The following TAFA1 variants were observed in gnomAD, a reference collection of about 807,000 sequenced individuals.
The protein encoded by TAFA1 is chemokine-like protein TAFA-1.
A neutral mutation model predicts 18.5 loss-of-function variants in TAFA1; 4 were observed. The ratio of observed to expected loss-of-function variants is 0.22; its 90% CI spans 0.11 to 0.49. The LOEUF is 0.49. Ranked by LOEUF, TAFA1 falls within the 20% of genes least tolerant of loss-of-function variation. The pLI is 0.98. For missense variants in TAFA1, 147 were observed against 169.0 expected (o/e 0.87, Z 0.72); for synonymous variants, 56 against 55.2 (o/e 1.01, Z -0.06).
At chr3:68,502,034 C>T (rs1030095388) in intron 3 of TAFA1, among the ~76,000 whole-genome samples, 5 of 152,190 alleles carry the variant, frequency 3.3e-5, no homozygotes, top group Admixed American at 3.3e-4. Flanking sequence ...TCAAGCTGGG[C>T]CTTAGTACAT....
the TAFA1 span, among the ~76,000 whole-genome samples, chr3:67,995,383 G>A: frequency 1.6e-3 from 248 of 152,080 alleles, 2 homozygotes; most frequent in African/African-American, 5.6e-3. Context: ...TGGGGGCCAG[G>A]GCATTTAGAG....
intron 2 of TAFA1, among the ~76,000 whole-genome samples, chr3:68,042,319 C>A (rs1327054677): frequency 1.3e-5 from 2 of 152,200 alleles, no homozygotes; most frequent in African/African-American, 4.8e-5. Flanking sequence ...TTATATCTAG[C>A]AGATATTGTT....
intron 2 of TAFA1, among the ~76,000 whole-genome samples, chr3:68,225,033 C>G (rs182917166): frequency 1.3e-5 from 2 of 150,530 alleles, no homozygotes; most frequent in East Asian, 4.0e-4. Context: ...CTCAGCCTCC[C>G]GAGTAGCTGG....
rs149917869 is a variant in TAFA1 at position 68,427,758 on chromosome 3, C to T, written c.259+10338C>T. Among the ~76,000 whole-genome samples, 126 of 151,964 alleles carry T rather than the reference C, an allele frequency of 8.3e-4. No individual in the cohort carries two copies. The East Asian group carries it at 0.013, about 16-fold the overall frequency. Reference sequence around the variant, plus strand: ...TCTTGAATTATAGCTCCCATAATCCCCACATGTCATGGGAGGGACCCAGTT... The same window carrying T: ...TCTTGAATTATAGCTCCCATAATCCTCACATGTCATGGGAGGGACCCAGTT... On this transcript the variant is annotated intron_variant, in intron 3 of 4. Transcript: ENST00000478136.
At chr3:68,108,898 A>T (rs2065233924) in intron 2 of TAFA1, among the ~76,000 whole-genome samples, 2 of 152,104 alleles carry the variant, frequency 1.3e-5, no homozygotes, top group Admixed American at 1.3e-4. Context: ...ACTTATACAT[A>T]TATATGTATA....
chr3:68,316,786 G>A (rs184865480), intron 2 of TAFA1, among the ~76,000 whole-genome samples: 95 of 152,280 alleles, frequency 6.2e-4, no homozygotes, highest in African/African-American at 2.1e-3. Context: ...AGTTGGTGAA[G>A]TTGAACTGTG....
chr3:68,377,375 A>C (rs2069839044), intron 2 of TAFA1, among the ~76,000 whole-genome samples: 1 of 152,146 alleles, frequency 6.6e-6, no homozygotes, highest in Non-Finnish European at 1.5e-5. Flanking sequence ...GAGCTGAGGA[A>C]CTTATCTGGC....
chr3:68,475,625 T>C (rs2072078326), intron 3 of TAFA1, among the ~76,000 whole-genome samples: 1 of 152,216 alleles, frequency 6.6e-6, no homozygotes, highest in East Asian at 1.9e-4. Context: ...AATATACGTG[T>C]GCATGTGTCT....
intron 2 of TAFA1, among the ~76,000 whole-genome samples, chr3:68,154,870 A>G (rs550672022): frequency 6.6e-6 from 1 of 152,334 alleles, no homozygotes; most frequent in Non-Finnish European, 1.5e-5. Flanking sequence ...GGAAGAGAGC[A>G]TAGAAAGGCT....
chr3:68,529,358 C>T (rs780971469), intron 3 of TAFA1, among the ~76,000 whole-genome samples: 16 of 147,402 alleles, frequency 1.1e-4, no homozygotes, highest in Non-Finnish European at 2.1e-4. Flanking sequence ...ATCTTACACA[C>T]TACACCAATG....
intron 3 of TAFA1, among the ~76,000 whole-genome samples, chr3:68,469,088 G>A (rs771056078): frequency 6.6e-6 from 1 of 151,916 alleles, no homozygotes; most frequent in African/African-American, 2.4e-5. Flanking sequence ...GGCTTAAGAG[G>A]TCACAGAGAA....
chr3:68,471,647 C>T (rs1295159964), intron 3 of TAFA1, among the ~76,000 whole-genome samples: 1 of 152,192 alleles, frequency 6.6e-6, no homozygotes, highest in Non-Finnish European at 1.5e-5. Context: ...TGCTTTTATC[C>T]TAGCCATGCT....
At chr3:68,309,040 C>T (rs563618457) in intron 2 of TAFA1, among the ~76,000 whole-genome samples, 1 of 152,228 alleles carries the variant, frequency 6.6e-6, no homozygotes, top group African/African-American at 2.4e-5. Context: ...ATCTGGAATG[C>T]TCTCATCACA....
chr3:68,315,311 G>A (rs1226909198), intron 2 of TAFA1, among the ~76,000 whole-genome samples: 1 of 152,106 alleles, frequency 6.6e-6, no homozygotes, highest in African/African-American at 2.4e-5. Context: ...GCTTGATTCT[G>A]TCATGTTCAG....
At chr3:68,199,614 G>A (rs1247910981) in intron 2 of TAFA1, among the ~76,000 whole-genome samples, 4 of 151,476 alleles carry the variant, frequency 2.6e-5, no homozygotes, top group Non-Finnish European at 3.0e-5. Context: ...GGATGCTAAT[G>A]TAAATGGTAT....
chr3:68,037,113 A>G (rs1705068076), intron 2 of TAFA1, among the ~76,000 whole-genome samples: 1 of 152,152 alleles, frequency 6.6e-6, no homozygotes, highest in East Asian at 1.9e-4. Flanking sequence ...AAATAATGGT[A>G]GCTGTGCTAA....
At chr3:68,221,065 C>G (rs2066723745) in intron 2 of TAFA1, among the ~76,000 whole-genome samples, 2 of 152,152 alleles carry the variant, frequency 1.3e-5, no homozygotes, top group Non-Finnish European at 2.9e-5. Context: ...ACGGGTCACA[C>G]AAGTGTAGCT....
At chr3:68,488,002 T>C (rs1409478422) in intron 3 of TAFA1, among the ~76,000 whole-genome samples, 2 of 152,156 alleles carry the variant, frequency 1.3e-5, no homozygotes, top group African/African-American at 2.4e-5. Context: ...TGCCCCCACA[T>C]AGCAATAAGC....
chr3:68,307,186 C>A (rs1244956300), intron 2 of TAFA1, among the ~76,000 whole-genome samples: 1 of 152,176 alleles, frequency 6.6e-6, no homozygotes, highest in Non-Finnish European at 1.5e-5. Flanking sequence ...TTTCTCATTA[C>A]ACATTTTCTA....
Sources: allele counts gnomAD v4.1 joint callset (sites outside exome capture counted in the v4.1 genomes callset), GRCh38; gene constraint gnomAD v4.1.1; transcripts MANE v1.5; gene names NCBI Gene and HGNC (gene_info 2026-07-23, HGNC 2026-07-21).